Variants in DROSHA observed in about 807,000 individuals in gnomAD.
The protein encoded by DROSHA is drosha ribonuclease III, also known as ribonuclease 3.
DROSHA carries 56 observed loss-of-function variants against 181.9 expected under a neutral mutation model. The observed-to-expected ratio is 0.31, with a 90% CI of 0.25 to 0.38. DROSHA has a LOEUF of 0.38. Among genes scored for constraint, DROSHA ranks in the 10% least tolerant of loss-of-function variants. DROSHA has a pLI of 1.00. For synonymous variants in DROSHA, 524 were observed against 591.2 expected, an observed-to-expected ratio of 0.89 and a Z score of 1.65; for missense variants, 1,218 against 1,743.5, an observed-to-expected ratio of 0.70 and a Z score of 5.37.
chr5:31,439,582 T>C (rs867892890), intron 23 of DROSHA, among the ~76,000 whole-genome samples: 16 of 152,230 alleles, frequency 1.1e-4, no homozygotes, highest in Non-Finnish European at 1.8e-4. Flanking sequence ...ATAACTATTC[T>C]ATTATTGTTG....
chr5:31,521,063 C>A, intron 6 of DROSHA, 60 bp downstream of exon 6: 1 of 1,577,828 alleles, frequency 6.3e-7, no homozygotes, highest in Non-Finnish European at 8.7e-7. Flanking sequence ...CATACAAGCA[C>A]AAAATCTGAA....
chr5:31,466,594 G>T, intron 18 of DROSHA: 1 of 224,402 alleles, frequency 4.5e-6, no homozygotes, highest in South Asian at 7.5e-5. Flanking sequence ...GAATCATCCT[G>T]TTTCTCACTG....
At chr5:31,425,851 C>A (rs373241326) in intron 27 of DROSHA, among the ~76,000 whole-genome samples, 1 of 152,104 alleles carries the variant, frequency 6.6e-6, no homozygotes, top group Non-Finnish European at 1.5e-5. Flanking sequence ...TCCATGTCCT[C>A]AAGCTTAAGA....
At chr5:31,431,450 T>C (rs781385811) in intron 26 of DROSHA, 126 bp downstream of exon 26, 10 of 766,664 alleles carry the variant, frequency 1.3e-5, no homozygotes, top group Admixed American at 5.4e-5. Flanking sequence ...GTAGGTGTCG[T>C]CCTAGGAACC....
At chr5:31,414,982 C>T (rs1741771797) in intron 30 of DROSHA, among the ~76,000 whole-genome samples, 1 of 152,202 alleles carries the variant, frequency 6.6e-6, no homozygotes, top group African/African-American at 2.4e-5. Flanking sequence ...ATTCCTGGTG[C>T]AATGTCAGAG....
At chr5:31,491,208 A>G (rs6884748) in intron 13 of DROSHA, among the ~76,000 whole-genome samples, 16,454 of 150,772 alleles carry the variant, frequency 0.11, 1,169 homozygotes, top group East Asian at 0.23. Flanking sequence ...AAAAGGATTC[A>G]AAGAAAGATT....
intron 8 of DROSHA, among the ~76,000 whole-genome samples, chr5:31,513,074 G>A (rs574248100): frequency 2.1e-4 from 32 of 152,294 alleles, no homozygotes; most frequent in Admixed American, 1.8e-3. Flanking sequence ...ATGGCAGTAA[G>A]GAAAAATGAA....
intron 20 of DROSHA, among the ~76,000 whole-genome samples, chr5:31,455,065 T>G (rs1172384223): frequency 6.7e-6 from 1 of 148,800 alleles, no homozygotes; most frequent in South Asian, 2.1e-4. Context: ...AATTCAGAAA[T>G]GAGATTAGAG....
intron 8 of DROSHA, among the ~76,000 whole-genome samples, chr5:31,511,931 GCACA>G (rs140148677): frequency 3.4e-5 from 5 of 145,414 alleles, no homozygotes; most frequent in Non-Finnish European, 6.0e-5. Context: ...TCACACACAC[GCACA>G]CACACACACA....
chr5:31,461,010 C>CCAAAGTAAAGGCCA (rs1748344810), intron 20 of DROSHA, among the ~76,000 whole-genome samples: 1 of 152,058 alleles, frequency 6.6e-6, no homozygotes, highest in Non-Finnish European at 1.5e-5. Context: ...GCCAAATAAA[C>CCAAAGTAAAGGCCA]AATAAAAAAT....
chr5:31,516,908 C>T (rs987745552), intron 6 of DROSHA, among the ~76,000 whole-genome samples: 1 of 152,146 alleles, frequency 6.6e-6, no homozygotes, highest in Non-Finnish European at 1.5e-5. Context: ...ATCATGAACA[C>T]ATTTGTGTTC....
rs749893350 is a variant in DROSHA at position 31,529,032 on chromosome 5, G to A, written c.20+8C>T. The A allele has an allele frequency of 1.2e-6, 2 of 1,612,836 alleles. No homozygotes were observed. The highest frequency in any genetic ancestry group is 1.7e-6 in the Non-Finnish European group (2 of 1,179,544). ...CCAAACTATTGCCATTCCCATCACG[G>A]CACTCACCATGTGTTTCCCTGCATC... On this transcript the variant is annotated splice_region_variant and intron_variant, in intron 4 of 35. Coordinates refer to ENST00000344624, the MANE Select transcript of DROSHA (RefSeq NM_001382508.1).
chr5:31,528,769 T>C (rs114190868), intron 4 of DROSHA, among the ~76,000 whole-genome samples: 1,827 of 152,312 alleles, frequency 0.012, 14 homozygotes, highest in Admixed American at 0.02. Context: ...ATCCACCTTC[T>C]AAGGACCTAA....
chr5:31,415,589 T>A (rs1355809975), intron 30 of DROSHA, among the ~76,000 whole-genome samples: 1 of 152,230 alleles, frequency 6.6e-6, no homozygotes, highest in African/African-American at 2.4e-5. Context: ...CTTGAGCTTT[T>A]TATCTGTAAT....
At chr5:31,527,359 T>C (rs963631799) in intron 4 of DROSHA, 2 of 169,032 alleles carry the variant, frequency 1.2e-5, no homozygotes, top group African/African-American at 4.8e-5. Flanking sequence ...CTCTCCCTGA[T>C]ACCAGACCCT....
intron 21 of DROSHA, among the ~76,000 whole-genome samples, chr5:31,450,392 C>T (rs1746831872): frequency 6.6e-6 from 1 of 152,152 alleles, no homozygotes; most frequent in African/African-American, 2.4e-5. Context: ...ATGCTTATTG[C>T]AGCACAATTC....
chr5:31,436,280 C>A (rs1168862445), intron 24 of DROSHA, among the ~76,000 whole-genome samples: 1 of 152,012 alleles, frequency 6.6e-6, no homozygotes, highest in Non-Finnish European at 1.5e-5. Context: ...AAAGAAATAA[C>A]CTAAAGAGAA....
Position 31,409,682 on chromosome 5 carries a change from A to AT in DROSHA, c.3668-351dup, listed in dbSNP as rs1268118347. On this transcript the variant is annotated intron_variant, in intron 31 of 35. Coordinates refer to ENST00000344624, the MANE Select transcript of DROSHA (RefSeq NM_001382508.1). The surrounding 1 kb of genome is among the most constrained non-coding windows in gnomAD (Gnocchi z 4.0). ...TCAAAATATTACTTGAAGATTAGAT[A>AT]TGATGCCAGAATACGCACATTCTTG... is the stretch of plus-strand genomic sequence containing the variant. 1 of 187,460 alleles carries AT rather than the reference A, an allele frequency of 5.3e-6. No individual in the cohort carries two copies. The highest frequency in any genetic ancestry group is 1.1e-5 in the Non-Finnish European group (1 of 88,700). The allele number at this position is 187,460 out of a possible 1,614,324, so 11.6% of individuals were successfully genotyped here. A position where few individuals can be genotyped will look rare whatever the true frequency, so the allele number is the denominator to read the frequency against.
intron 10 of DROSHA, 107 bp downstream of exon 10, chr5:31,508,514 A>T: frequency 6.6e-7 from 1 of 1,506,120 alleles, no homozygotes; most frequent in Non-Finnish European, 9.1e-7. Flanking sequence ...AAACCCTGAC[A>T]GTAAAATTCA....
Sources: allele counts gnomAD v4.1 joint callset (sites outside exome capture counted in the v4.1 genomes callset), GRCh38; gene constraint gnomAD v4.1.1; non-coding constraint Gnocchi (gnomAD v3.1); transcripts MANE v1.5; gene names NCBI Gene and HGNC (gene_info 2026-07-23, HGNC 2026-07-21).